MPDZ: variants seen among roughly 807,000 people sequenced by gnomAD.
MPDZ encodes multiple PDZ domain crumbs cell polarity complex component.
Under a neutral mutation model 239.1 loss-of-function variants are expected in MPDZ, and 234 were observed. The observed-to-expected ratio is 0.98, with a 90% CI of 0.88 to 1.09. The LOEUF is 1.09. Among genes scored for constraint, MPDZ ranks in the 50% least tolerant of loss-of-function variants. MPDZ has a pLI of 0.00. For synonymous variants in MPDZ, 1,048 were observed against 881.3 expected (o/e 1.19, Z -3.35); for missense variants, 3,175 against 2,510.0 (o/e 1.26, Z -5.66).
At chr9:13,143,619 C>T (rs1257736648) in intron 26 of MPDZ, 55 bp from the exon 27 acceptor site, 1 of 1,443,338 alleles carries the variant, frequency 6.9e-7, no homozygotes, top group African/African-American at 1.4e-5. Context: ...GAAAACAACT[C>T]AGTTTTAAAA....
At chr9:13,132,447 C>G (rs542635895) in intron 32 of MPDZ, among the ~76,000 whole-genome samples, 5 of 152,068 alleles carry the variant, frequency 3.3e-5, no homozygotes, top group Non-Finnish European at 7.4e-5. Flanking sequence ...AATGAACGTC[C>G]TTGGGAGGTT....
intron 39 of MPDZ, among the ~76,000 whole-genome samples, chr9:13,119,035 A>G (rs1222561740): frequency 1.3e-5 from 2 of 152,204 alleles, no homozygotes; most frequent in African/African-American, 4.8e-5. Flanking sequence ...TTTGAGTCAG[A>G]ATAGTATTTT....
intron 32 of MPDZ, among the ~76,000 whole-genome samples, chr9:13,128,832 G>T (rs1945495487): frequency 1.3e-5 from 2 of 152,110 alleles, no homozygotes; most frequent in South Asian, 4.1e-4. Flanking sequence ...GCCAAACTAT[G>T]GTTGGCAGCC....
At chr9:13,247,870 A>C (rs1022372739) in intron 2 of MPDZ, 69 bp from the exon 3 acceptor site, 1 of 1,374,718 alleles carries the variant, frequency 7.3e-7, no homozygotes, top group East Asian at 2.3e-5. Context: ...AGAGGACTCC[A>C]TCTTGTAGAA....
At position 13,236,245 on chromosome 9, in the gene MPDZ, G is replaced by GTATATATA. The variant is rs774590252; in HGVS notation, c.183+11389_183+11390insTATATATA. 9.3e-3 allele frequency among the ~76,000 whole-genome samples: 125 copies of GTATATATA among 13,442 alleles called. 12 individuals are homozygous for GTATATATA. Among genetic ancestry groups the GTATATATA allele is most frequent in the Non-Finnish European group, 0.015 (92 of 6,262 alleles). The allele number at this position is 13,442 out of a possible 152,430, so 8.8% of individuals were successfully genotyped here. ...TGTGTGTATATGTATATGTGTGTGTGTGTGTATATATATATATATATATTT... is the reference window on the plus strand; with the variant it reads ...TGTGTGTATATGTATATGTGTGTGTGTATATATATGTGTATATATATATATATATATTT... On this transcript the variant is annotated intron_variant, in intron 3 of 46. Transcript: ENST00000319217.
At chr9:13,191,625 G>T (rs1954941340) in intron 15 of MPDZ, among the ~76,000 whole-genome samples, 1 of 152,092 alleles carries the variant, frequency 6.6e-6, no homozygotes, top group Non-Finnish European at 1.5e-5. Context: ...GAAATGCTGT[G>T]TCCATCCATA....
intron 1 of MPDZ, among the ~76,000 whole-genome samples, chr9:13,255,030 A>G (rs1199764619): frequency 1.3e-5 from 2 of 152,190 alleles, no homozygotes; most frequent in East Asian, 3.9e-4. Flanking sequence ...CCCACAATAG[A>G]ACCTCTCAAA....
intron 22 of MPDZ, among the ~76,000 whole-genome samples, chr9:13,166,293 G>A (rs770486686): frequency 1.1e-4 from 16 of 152,234 alleles, no homozygotes; most frequent in Admixed American, 2.6e-4. Context: ...TTTGCTTCAC[G>A]AAACAAGTGG....
At position 13,121,924 on chromosome 9, in the gene MPDZ, T is replaced by C; in HGVS notation, c.5046A>G (p.Gly1682=). Residue 1682 remains glycine, a synonymous_variant, in exon 38 of 47, where the codon GGA becomes GGG. Coordinates refer to ENST00000319217, the MANE Select transcript of MPDZ (RefSeq NM_001378778.1). ...WAGDQILEVN[G]IDLRKATHDE... Reference sequence around the variant, plus strand: ...CATGTGTGGCCTTTCTCAAGTCAATTCCATTCACCTGTACAGAAATGGGAC... The same window carrying C: ...CATGTGTGGCCTTTCTCAAGTCAATCCCATTCACCTGTACAGAAATGGGAC... The C allele has an allele frequency of 6.2e-7, 1 of 1,613,110 alleles. No individual in the cohort carries two copies. Among genetic ancestry groups the C allele is most frequent in the Admixed American group, 1.7e-5 (1 of 59,914 alleles).
chr9:13,217,100 A>G (rs1587872543), intron 9 of MPDZ, 80 bp downstream of exon 9: 1 of 1,027,416 alleles, frequency 9.7e-7, no homozygotes, highest in Non-Finnish European at 1.4e-6. Flanking sequence ...GAAACATGTA[A>G]TATCAACTCA....
chr9:13,220,554 G>C (rs1490694251), intron 7 of MPDZ, among the ~76,000 whole-genome samples: 2 of 151,962 alleles, frequency 1.3e-5, no homozygotes, highest in Non-Finnish European at 2.9e-5. Context: ...GTCAACGAGA[G>C]ACATTTCATT....
chr9:13,108,126 G>C (rs139181851), intron 46 of MPDZ, among the ~76,000 whole-genome samples: 209 of 152,208 alleles, frequency 1.4e-3, no homozygotes, highest in African/African-American at 4.8e-3. Context: ...CAAAGGCCCT[G>C]TATCAAATTT....
chr9:13,114,320 G>T (rs1042359696), intron 40 of MPDZ, among the ~76,000 whole-genome samples: 6 of 152,122 alleles, frequency 3.9e-5, no homozygotes, highest in African/African-American at 1.2e-4. Context: ...TTAAACTGAT[G>T]TTGTAGGAAG....
chr9:13,196,622 G>T (rs1171899340), intron 12 of MPDZ, among the ~76,000 whole-genome samples: 1 of 151,674 alleles, frequency 6.6e-6, no homozygotes, highest in Admixed American at 6.6e-5. Context: ...GGGGAAAAAA[G>T]GACTATGCTA....
At chr9:13,113,825 A>G (rs1186817134) in intron 41 of MPDZ, 106 bp downstream of exon 41, 22 of 847,944 alleles carry the variant, frequency 2.6e-5, no homozygotes, top group Non-Finnish European at 4.1e-5. Flanking sequence ...CTATATTTGG[A>G]TATGGGATGA....
Position 13,195,098 on chromosome 9 carries a change from G to A in MPDZ, c.1656+1023C>T, listed in dbSNP as rs148444377. On this transcript the variant is annotated intron_variant, in intron 13 of 46. Coordinates refer to ENST00000319217, the MANE Select transcript of MPDZ (RefSeq NM_001378778.1). Reference sequence around the variant, plus strand: ...AGTCCAGAAGTCCAAGACCAGCCTGGGCAACATGGCAAAACCCAGTCTCTA... The same window carrying A: ...AGTCCAGAAGTCCAAGACCAGCCTGAGCAACATGGCAAAACCCAGTCTCTA... Among the ~76,000 whole-genome samples the A allele has an allele frequency of 5.1e-4, 77 of 152,030 alleles. 1 individual carries two copies. The East Asian group carries it at 0.014, about 27-fold the overall frequency.
In MPDZ at chr9:13,267,693, C is replaced by A. The variant is rs535979174; in HGVS notation, c.-58+11707G>T. 2.3e-4 allele frequency among the ~76,000 whole-genome samples: 35 copies of A among 151,984 alleles called. No homozygotes were observed. In the South Asian group the frequency reaches 7.3e-3, roughly 32 times the overall value. The stretch of plus-strand genomic sequence containing the variant: ...AGAATGTGTTTGATGTATGGCAAGA[C>A]ACAAGTAACAGGGGAGGAAAGGAAG... On this transcript the variant is annotated intron_variant, in intron 1 of 46. Transcript: ENST00000319217.
Position 13,150,493 on chromosome 9 carries a change from A to G in MPDZ, c.3630+18T>C. 1.4e-6 allele frequency: 2 copies of G among 1,460,658 alleles called. No homozygotes were observed. The highest frequency in any genetic ancestry group is 1.8e-6 in the Non-Finnish European group (2 of 1,103,700). The allele number at this position is 1,460,658 out of a possible 1,614,324, so 90.5% of individuals were successfully genotyped here. On this transcript the variant is annotated intron_variant, in intron 25 of 46. Transcript: ENST00000319217. The stretch of plus-strand genomic sequence containing the variant: ...CAAAACAAACAAATTTTAGCACAGA[A>G]AGCTCACTAGAGGGTACCTCTACGA...
At chr9:13,129,498 T>A (rs1288934020) in intron 32 of MPDZ, among the ~76,000 whole-genome samples, 9 of 150,468 alleles carry the variant, frequency 6.0e-5, no homozygotes, top group South Asian at 2.1e-4. Flanking sequence ...TAAATAAAAA[T>A]AAATAAATGA....
Sources: gnomAD v4.1 joint callset for allele counts (sites outside exome capture counted in the v4.1 genomes callset) on GRCh38, gnomAD v4.1.1 for gene constraint, MANE v1.5 for transcripts, NCBI Gene and HGNC (gene_info 2026-07-23, HGNC 2026-07-21) for gene names.